The following ZBTB25 variants were observed in gnomAD, a reference collection of about 807,000 sequenced individuals.
The protein encoded by ZBTB25 is zinc finger and BTB domain containing 25.
ZBTB25 carries 20 observed loss-of-function variants against 34.2 expected under a neutral mutation model. That is an observed-to-expected ratio of 0.58 (90% CI 0.41 to 0.85). The LOEUF is 0.85. Ranked by LOEUF, ZBTB25 falls within the 40% of genes least tolerant of loss-of-function variation. The pLI, the probability that ZBTB25 is intolerant of heterozygous loss-of-function variation, is 0.00. For synonymous variants in ZBTB25, 175 were observed against 186.4 expected, an observed-to-expected ratio of 0.94 and a Z score of 0.50; for missense variants, 437 against 521.8, an observed-to-expected ratio of 0.84 and a Z score of 1.58.
At chr14:64,477,329 A>C (rs930534765), downstream of ZBTB25, among the ~76,000 whole-genome samples, 2 of 152,242 alleles carry the variant, frequency 1.3e-5, no homozygotes, top group Admixed American at 1.3e-4. Flanking sequence ...CATAGCCACC[A>C]GTTTGAGAGA....
intron 2 of ZBTB25, chr14:64,469,849 C>T (rs2078649683): frequency 1.8e-6 from 1 of 546,122 alleles, no homozygotes; most frequent in South Asian, 3.1e-5. Context: ...AAAACTCTAC[C>T]ACTGAAATGC....
intron 2 of ZBTB25, chr14:64,455,240 C>G (rs766452499): frequency 6.9e-6 from 2 of 291,708 alleles, no homozygotes; most frequent in Middle Eastern, 2.4e-3. Context: ...TTAACTCAGT[C>G]CCCCCACAGC....
chr14:64,504,271 CG>C (rs1241091519), upstream of ZBTB25, among the ~76,000 whole-genome samples: 1 of 151,134 alleles, frequency 6.6e-6, no homozygotes, highest in Non-Finnish European at 1.5e-5. Flanking sequence ...CGGGGGGGCG[CG>C]GGGACTGGGC....
chr14:64,449,812 G>A (rs189756922), intron 2 of ZBTB25, among the ~76,000 whole-genome samples: 195 of 152,256 alleles, frequency 1.3e-3, no homozygotes, highest in Non-Finnish European at 2.1e-3. Flanking sequence ...TTTTTGAGAC[G>A]GAGTCTTGCT....
In ZBTB25 at chr14:64,486,245, T is replaced by C; in HGVS notation, c.*678A>G. Reference sequence around the variant, plus strand: ...TGAACCCGGGAGGCGGAGCTTGCAGTCAGCCGAGATCGCGCCACTGCGCCC... The same window carrying C: ...TGAACCCGGGAGGCGGAGCTTGCAGCCAGCCGAGATCGCGCCACTGCGCCC... On this transcript the variant is annotated 3_prime_UTR_variant, in exon 3 of 3. Transcript: ENST00000608382. 4.3e-6 allele frequency: 4 copies of C among 933,616 alleles called. No individual in the cohort carries two copies. Among genetic ancestry groups the C allele is most frequent in the Non-Finnish European group, 5.1e-6 (4 of 783,142 alleles). 57.8% of individuals were successfully genotyped at this position (933,616 alleles called of 1,614,324 possible).
At position 64,486,256 on chromosome 14, in the gene ZBTB25, C is replaced by T. The variant is rs1045371545; in HGVS notation, c.*667G>A. ...GGCGGAGCTTGCAGTCAGCCGAGAT[C>T]GCGCCACTGCGCCCCAGCCTGGGCG... On this transcript the variant is annotated 3_prime_UTR_variant, in exon 3 of 3. Transcript: ENST00000608382. 5.3e-6 allele frequency: 5 copies of T among 951,324 alleles called. No homozygotes were observed. Among genetic ancestry groups the T allele is most frequent in the African/African-American group, 1.8e-5 (1 of 56,418 alleles). The allele number at this position is 951,324 out of a possible 1,614,324, so 58.9% of individuals were successfully genotyped here.
chr14:64,487,553 T>C lies in ZBTB25; in HGVS notation c.678A>G (p.Thr226=). The C allele has an allele frequency of 6.2e-7, 1 of 1,610,656 alleles. No individual in the cohort carries two copies. Among genetic ancestry groups the C allele is most frequent in the Non-Finnish European group, 8.5e-7 (1 of 1,177,096 alleles). ...CACTGTTTTCAGTAAAAGTGGGGCC[T>C]GTCACCTCTGATGAGGGTGAGGGGT... ...QSHPSPSSEV[T]GPTFTENSVK... The change falls in exon 3 of 3, where the codon ACA becomes ACG. Residue 226 remains threonine (T), a synonymous_variant. Coordinates refer to ENST00000608382, the MANE Select transcript of ZBTB25 (RefSeq NM_006977.5).
At chr14:64,495,327 G>A (rs1046985710) in intron 1 of ZBTB25, among the ~76,000 whole-genome samples, 1 of 152,196 alleles carries the variant, frequency 6.6e-6, no homozygotes, top group Non-Finnish European at 1.5e-5. Flanking sequence ...TAAGTGTGCT[G>A]TTTGGAGGCT....
At chr14:64,453,104 A>AT in intron 2 of ZBTB25, among the ~76,000 whole-genome samples, 1 of 152,054 alleles carries the variant, frequency 6.6e-6, no homozygotes, top group Non-Finnish European at 1.5e-5. Flanking sequence ...TTAGCGAGAG[A>AT]TTTTAAATAT....
intron 2 of ZBTB25, chr14:64,467,142 CCAAA>C (rs2078620465): frequency 6.6e-6 from 1 of 152,086 alleles, no homozygotes; most frequent in Non-Finnish European, 1.5e-5. Context: ...ATTAGTATCC[CCAAA>C]CAATTCATTT....
chr14:64,503,342 TGG>T, intron 1 of ZBTB25: 1 of 985,370 alleles, frequency 1.0e-6, no homozygotes, highest in South Asian at 4.7e-5. Context: ...GGTTTCCTGC[TGG>T]GGGTCGCACC....
chr14:64,501,341 A>G (rs1021925823), intron 1 of ZBTB25, among the ~76,000 whole-genome samples: 19 of 152,232 alleles, frequency 1.2e-4, no homozygotes, highest in Admixed American at 1.2e-3. Flanking sequence ...ACAAATGAGG[A>G]AAAATCCTAA....
intron 1 of ZBTB25, among the ~76,000 whole-genome samples, chr14:64,494,126 A>G (rs2079183627): frequency 6.6e-6 from 1 of 152,206 alleles, no homozygotes; most frequent in Non-Finnish European, 1.5e-5. Context: ...ACAAAATAAG[A>G]CAGAGGAGGA....
chr14:64,469,320 C>A, intron 2 of ZBTB25: 1 of 1,613,408 alleles, frequency 6.2e-7, no homozygotes, highest in Non-Finnish European at 8.5e-7. Flanking sequence ...CCAAAAGATA[C>A]TGAATTGAGC....
chr14:64,451,767 G>C (rs1043998348), intron 2 of ZBTB25, among the ~76,000 whole-genome samples: 4 of 152,228 alleles, frequency 2.6e-5, no homozygotes, highest in Admixed American at 6.5e-5. Flanking sequence ...GCGTCTGCTA[G>C]TCTTAAATCA....
downstream of ZBTB25, among the ~76,000 whole-genome samples, chr14:64,477,206 C>T (rs1044634515): frequency 2.0e-5 from 3 of 152,190 alleles, no homozygotes; most frequent in Non-Finnish European, 2.9e-5. Flanking sequence ...AAGGCTGTCA[C>T]GCACAGCTGT....
intron 1 of ZBTB25, among the ~76,000 whole-genome samples, chr14:64,493,332 C>G (rs951927829): frequency 6.6e-6 from 1 of 152,192 alleles, no homozygotes; most frequent in Non-Finnish European, 1.5e-5. Flanking sequence ...TGGCAAGACA[C>G]TTAACTCTCT....
At chr14:64,499,455 A>T (rs1027346712) in intron 1 of ZBTB25, 1 of 152,074 alleles carries the variant, frequency 6.6e-6, no homozygotes, top group African/African-American at 2.4e-5. Context: ...AATCCCGGCT[A>T]CTCGGGAGGC....
upstream of ZBTB25, chr14:64,504,960 A>C (rs546397414): frequency 2.5e-5 from 10 of 394,958 alleles, no homozygotes; most frequent in African/African-American, 1.9e-4. Flanking sequence ...AGTATTTGCC[A>C]GTTGTGGGGC....
Sources: allele counts gnomAD v4.1 joint callset (sites outside exome capture counted in the v4.1 genomes callset), GRCh38; gene constraint gnomAD v4.1.1; transcripts MANE v1.5; gene names NCBI Gene and HGNC (gene_info 2026-07-23, HGNC 2026-07-21).